Variants in FGF12 observed in about 807,000 individuals in gnomAD.
FGF12 encodes fibroblast growth factor 12B.
FGF12 carries 14 observed loss-of-function variants against 23.6 expected under a neutral mutation model. The ratio of observed to expected loss-of-function variants is 0.59; its 90% confidence interval spans 0.39 to 0.93. The LOEUF (loss-of-function observed/expected upper bound fraction) is 0.93, where lower values mean the gene tolerates loss of function less well. FGF12 is among the 40% of genes least tolerant of loss of function. The pLI is 0.00. For missense variants in FGF12, 175 were observed against 217.8 expected, an observed-to-expected ratio of 0.80 and a Z score of 1.24; for synonymous variants, 62 against 77.3, an observed-to-expected ratio of 0.80 and a Z score of 1.04.
intron 4 of FGF12, among the ~76,000 whole-genome samples, chr3:192,284,207 G>A (rs1318285904): frequency 1.3e-5 from 2 of 151,988 alleles, no homozygotes; most frequent in Admixed American, 6.6e-5. Context: ...AAACCTCAAC[G>A]TTCTTTCTAC....
intron 3 of FGF12, among the ~76,000 whole-genome samples, chr3:192,341,268 T>G (rs1303154759): frequency 6.6e-6 from 1 of 152,096 alleles, no homozygotes; most frequent in Non-Finnish European, 1.5e-5. Context: ...AATAAACACT[T>G]CCAAGTTATA....
At chr3:192,419,178 C>T (rs898003186) in intron 2 of FGF12, among the ~76,000 whole-genome samples, 5 of 152,112 alleles carry the variant, frequency 3.3e-5, no homozygotes, top group South Asian at 2.1e-4. Flanking sequence ...GATGAATCCA[C>T]AAAATGAACT....
chr3:192,217,854 TA>T (rs954819436), intron 4 of FGF12, among the ~76,000 whole-genome samples: 1 of 152,010 alleles, frequency 6.6e-6, no homozygotes, highest in African/African-American at 2.4e-5. Context: ...CTTTTTTTTT[TA>T]GATGGAATTT....
chr3:192,316,078 T>C (rs1161928799), intron 4 of FGF12, among the ~76,000 whole-genome samples: 1 of 152,198 alleles, frequency 6.6e-6, no homozygotes, highest in African/African-American at 2.4e-5. Flanking sequence ...TCCTGTCCTC[T>C]GAATGTTGGA....
intron 2 of FGF12, among the ~76,000 whole-genome samples, chr3:192,639,931 TA>T (rs2108663449): frequency 6.6e-6 from 1 of 151,886 alleles, no homozygotes; most frequent in East Asian, 1.9e-4. Flanking sequence ...ACAAAATGGA[TA>T]AACCTGGAGG....
chr3:192,702,990 G>GT (rs1409689339), intron 2 of FGF12, among the ~76,000 whole-genome samples: 4 of 152,098 alleles, frequency 2.6e-5, no homozygotes, highest in Admixed American at 2.6e-4. Context: ...CCAAAAGATG[G>GT]TATTTCGTTC....
intron 2 of FGF12, among the ~76,000 whole-genome samples, chr3:192,641,524 C>A (rs1432232175): frequency 5.3e-5 from 8 of 151,740 alleles, no homozygotes; most frequent in Admixed American, 1.3e-4. Context: ...CCTGCCTCAG[C>A]CTCCTGAGTA....
At chr3:192,674,572 T>G (rs1717254178) in intron 2 of FGF12, among the ~76,000 whole-genome samples, 1 of 152,186 alleles carries the variant, frequency 6.6e-6, no homozygotes, top group Non-Finnish European at 1.5e-5. Flanking sequence ...TTGTGATCCC[T>G]AAGTTGCTTT....
intron 2 of FGF12, among the ~76,000 whole-genome samples, chr3:192,481,970 GAAGTA>G (rs1319018701): frequency 6.6e-6 from 1 of 152,176 alleles, no homozygotes; most frequent in Non-Finnish European, 1.5e-5. Context: ...TAAATATGAA[GAAGTA>G]AAGAAGAGTC....
intron 2 of FGF12, among the ~76,000 whole-genome samples, chr3:192,685,211 C>A (rs575747444): frequency 6.6e-6 from 1 of 151,972 alleles, no homozygotes; most frequent in Non-Finnish European, 1.5e-5. Flanking sequence ...CCACCACGCC[C>A]GGCTAATTTT....
intron 2 of FGF12, among the ~76,000 whole-genome samples, chr3:192,578,309 T>G (rs1170599050): frequency 2.6e-5 from 4 of 152,200 alleles, no homozygotes. Flanking sequence ...TTATTCTCCT[T>G]GTTCCTTTCT....
intron 2 of FGF12, among the ~76,000 whole-genome samples, chr3:192,663,653 A>G (rs907964771): frequency 6.6e-6 from 1 of 152,214 alleles, no homozygotes; most frequent in Non-Finnish European, 1.5e-5. Flanking sequence ...TATTATTATC[A>G]TTAAACATGA....
intron 4 of FGF12, among the ~76,000 whole-genome samples, chr3:192,318,551 A>C (rs78489993): frequency 1.7e-3 from 259 of 152,282 alleles, no homozygotes; most frequent in African/African-American, 6.0e-3. Flanking sequence ...CAATAGAAAA[A>C]AGAATTTTAA....
At chr3:192,391,148 G>T (rs186055073) in intron 2 of FGF12, among the ~76,000 whole-genome samples, 1 of 152,302 alleles carries the variant, frequency 6.6e-6, no homozygotes, top group Non-Finnish European at 1.5e-5. Flanking sequence ...TGCACCGCTT[G>T]GGGATTAGCA....
At position 192,271,264 on chromosome 3, in the gene FGF12, T is replaced by C. The variant is rs1312145280; in HGVS notation, c.228+64097A>G. Among the ~76,000 whole-genome samples the C allele has an allele frequency of 2.6e-5, 4 of 152,214 alleles. No individual in the cohort carries two copies. The East Asian group carries it at 7.7e-4, about 29-fold the overall frequency. ...TGCTGGCTTTGTATGAATTCAGAGG[T>C]TCAAGCACTCTTCAAATTCTTTTCT... On this transcript the variant is annotated intron_variant, in intron 4 of 5. Coordinates refer to ENST00000445105, the MANE Select transcript of FGF12 (RefSeq NM_004113.6).
chr3:192,556,102 G>T (rs1298817085), intron 2 of FGF12, among the ~76,000 whole-genome samples: 1 of 151,780 alleles, frequency 6.6e-6, no homozygotes, highest in East Asian at 1.9e-4. Flanking sequence ...GAGAAGAAAG[G>T]AGGACCAAAA....
chr3:192,448,083 A>ATG (rs59442258), intron 2 of FGF12, among the ~76,000 whole-genome samples: 7,219 of 152,252 alleles, frequency 0.047, 594 homozygotes, highest in African/African-American at 0.16. Flanking sequence ...TCATATATAT[A>ATG]TGTGTGTATA....
chr3:192,185,942 C>T (rs1716439057), intron 4 of FGF12, among the ~76,000 whole-genome samples: 2 of 151,350 alleles, frequency 1.3e-5, no homozygotes, highest in Non-Finnish European at 2.9e-5. Flanking sequence ...AATATTCACT[C>T]ATTGGTGAAA....
At chr3:192,345,544 G>A (rs1426127142) in intron 3 of FGF12, among the ~76,000 whole-genome samples, 2 of 94,564 alleles carry the variant, frequency 2.1e-5, no homozygotes, top group Non-Finnish European at 3.6e-5. Context: ...AAAATTAGCC[G>A]GGCGTGGTAG....
Sources: allele counts gnomAD v4.1 joint callset (sites outside exome capture counted in the v4.1 genomes callset), GRCh38; gene constraint gnomAD v4.1.1; transcripts MANE v1.5; gene names NCBI Gene and HGNC (gene_info 2026-07-23, HGNC 2026-07-21).